The following NAV3 variants were observed in gnomAD, a reference collection of about 807,000 sequenced individuals.
NAV3 encodes neuron navigator 3, also known as pore membrane and/or filament interacting like protein 1.
Under a neutral mutation model 244.7 loss-of-function variants are expected in NAV3, and 87 were observed. The ratio of observed to expected loss-of-function variants is 0.36; its 90% CI spans 0.30 to 0.42. The LOEUF (loss-of-function observed/expected upper bound fraction) is 0.42. Ranked by LOEUF, NAV3 falls within the 20% of genes least tolerant of loss-of-function variation. The pLI is 1.00. For missense variants in NAV3, 2,663 were observed against 2,893.3 expected (o/e 0.92, Z 1.83); for synonymous variants, 1,126 against 1,042.2 (o/e 1.08, Z -1.55).
chr12:77,913,065 A>C (rs1166359716), intron 1 of NAV3, among the ~76,000 whole-genome samples: 1 of 152,034 alleles, frequency 6.6e-6, no homozygotes, highest in South Asian at 2.1e-4. Flanking sequence ...TTCCAAAGTC[A>C]ACTTGTGACA....
chr12:77,938,080 C>T (rs1420683870), intron 1 of NAV3, among the ~76,000 whole-genome samples: 7 of 152,116 alleles, frequency 4.6e-5, no homozygotes, highest in Non-Finnish European at 1.0e-4. Context: ...ATTCTCCTCA[C>T]CCTTGTGAAT....
chr12:77,912,830 T>A (rs1360764703), intron 1 of NAV3, among the ~76,000 whole-genome samples: 1 of 152,036 alleles, frequency 6.6e-6, no homozygotes, highest in African/African-American at 2.4e-5. Flanking sequence ...CAGGCTGGTC[T>A]CGAACTCCTG....
chr12:77,913,797 T>C (rs1174433137), intron 1 of NAV3, among the ~76,000 whole-genome samples: 2 of 152,146 alleles, frequency 1.3e-5, no homozygotes, highest in Non-Finnish European at 2.9e-5. Flanking sequence ...ATTCTTAGCT[T>C]GTGCTAAGCT....
rs2136567680 is a variant in NAV3 at position 78,006,724 on chromosome 12, G to A, written c.1186G>A (p.Ala396Thr). 1 of 1,614,120 alleles carries A rather than the reference G, an allele frequency of 6.2e-7. No homozygotes were observed. The highest frequency in any genetic ancestry group is 2.2e-5 in the East Asian group (1 of 44,852). The part of the protein sequence containing the change: ...EKFKLVNART[A>T]LRPPQPPSSG... ...ATTCAAGCTAGTCAATGCCCGGACTGCTTTACGCCCCCCGCAGCCTCCCAG... is the reference window on the plus strand; with the variant it reads ...ATTCAAGCTAGTCAATGCCCGGACTACTTTACGCCCCCCGCAGCCTCCCAG... Residue 396 changes from alanine (A) to threonine (T), a missense_variant, in exon 8 of 40, where the codon GCT becomes ACT. Coordinates refer to ENST00000397909, the MANE Select transcript of NAV3 (RefSeq NM_001024383.2).
chr12:77,762,719 GTT>G (rs1255540086), intron 2 of NAV3, among the ~76,000 whole-genome samples: 14 of 88,674 alleles, frequency 1.6e-4, no homozygotes, highest in Admixed American at 5.7e-4. Flanking sequence ...GGCTTCATGG[GTT>G]TTTTGTTGTT....
chr12:78,048,812 G>A (rs761035402), intron 9 of NAV3, among the ~76,000 whole-genome samples: 15 of 152,164 alleles, frequency 9.9e-5, no homozygotes, highest in Non-Finnish European at 1.2e-4. Context: ...CTGAGCCTGC[G>A]CCCACAGCCG....
Position 78,207,799 on chromosome 12 carries a change from T to A in NAV3, c.7039-2599T>A, listed in dbSNP as rs182103850. 3.3e-5 allele frequency among the ~76,000 whole-genome samples: 5 copies of A among 152,200 alleles called. No homozygotes were observed. The East Asian group carries it at 7.7e-4, about 24-fold the overall frequency. On this transcript the variant is annotated intron_variant, in intron 39 of 39. Coordinates refer to ENST00000397909, the MANE Select transcript of NAV3 (RefSeq NM_001024383.2). ...AGTTAAAACGTTATCACAGAGACAG[T>A]GGAGAACTGTCAAAGGTGTTTGAGC...
intron 2 of NAV3, among the ~76,000 whole-genome samples, chr12:77,683,102 G>A (rs1333104235): frequency 6.6e-6 from 1 of 152,054 alleles, no homozygotes; most frequent in Non-Finnish European, 1.5e-5. Context: ...CAATGTCATA[G>A]AGCTTTTCTT....
At chr12:77,993,649 G>A (rs996210213) in intron 5 of NAV3, among the ~76,000 whole-genome samples, 1 of 152,136 alleles carries the variant, frequency 6.6e-6, no homozygotes, top group Admixed American at 6.6e-5. Context: ...AACTAGCTCA[G>A]TGTAGTAAAA....
intron 3 of NAV3, among the ~76,000 whole-genome samples, chr12:77,951,457 T>C (rs1309334012): frequency 1.3e-5 from 2 of 152,156 alleles, no homozygotes; most frequent in African/African-American, 4.8e-5. Context: ...GGGAACACTT[T>C]TACACTGTTG....
chr12:77,912,042 T>C (rs1376927271), intron 1 of NAV3, among the ~76,000 whole-genome samples: 4 of 152,106 alleles, frequency 2.6e-5, no homozygotes, highest in South Asian at 2.1e-4. Flanking sequence ...ACCTACTGCA[T>C]TGAGTTTATG....
intron 2 of NAV3, among the ~76,000 whole-genome samples, chr12:77,805,567 G>A (rs1460566502): frequency 6.6e-6 from 1 of 152,160 alleles, no homozygotes; most frequent in Non-Finnish European, 1.5e-5. Context: ...GATTGGGTTT[G>A]CCAGTATTTT....
chr12:77,864,665 TC>T (rs1178036756), intron 1 of NAV3, among the ~76,000 whole-genome samples: 2 of 151,990 alleles, frequency 1.3e-5, no homozygotes, highest in Non-Finnish European at 2.9e-5. Flanking sequence ...CTATTTGAAG[TC>T]CCCTCTGTCC....
At chr12:78,040,639 G>A (rs1382721878) in intron 9 of NAV3, among the ~76,000 whole-genome samples, 2 of 152,046 alleles carry the variant, frequency 1.3e-5, no homozygotes, top group Non-Finnish European at 2.9e-5. Context: ...AAGTTTTCCT[G>A]GGGGAAGGGG....
intron 12 of NAV3, among the ~76,000 whole-genome samples, chr12:78,068,943 C>T (rs1230490900): frequency 6.6e-6 from 1 of 150,434 alleles, no homozygotes; most frequent in East Asian, 1.9e-4. Flanking sequence ...TGAAACACTT[C>T]GTTATTTTGC....
At chr12:77,867,612 G>A (rs956565192) in intron 1 of NAV3, among the ~76,000 whole-genome samples, 1 of 152,038 alleles carries the variant, frequency 6.6e-6, no homozygotes, top group African/African-American at 2.4e-5. Flanking sequence ...ACTAGAGACG[G>A]GGTTTCACTG....
At chr12:78,057,150 T>G (rs118137000) in intron 11 of NAV3, among the ~76,000 whole-genome samples, 2,239 of 152,300 alleles carry the variant, frequency 0.015, 36 homozygotes, top group Non-Finnish European at 0.025. Context: ...TTTATGAAGT[T>G]AAAAACACCC....
chr12:77,864,022 A>C (rs10859503), intron 1 of NAV3, among the ~76,000 whole-genome samples: 1 of 151,616 alleles, frequency 6.6e-6, no homozygotes, highest in Non-Finnish European at 1.5e-5. Flanking sequence ...TTTATGGCAG[A>C]GATTATAATA....
At chr12:78,050,701 T>G (rs1882615406) in intron 10 of NAV3, 63 bp from the exon 11 acceptor site, 1 of 1,503,564 alleles carries the variant, frequency 6.7e-7, no homozygotes, top group Admixed American at 2.1e-5. Flanking sequence ...TCTGTCTTCA[T>G]GCATTCTAGA....
Sources: gnomAD v4.1 joint callset for allele counts (sites outside exome capture counted in the v4.1 genomes callset) on GRCh38, gnomAD v4.1.1 for gene constraint, MANE v1.5 for transcripts, NCBI Gene and HGNC (gene_info 2026-07-23, HGNC 2026-07-21) for gene names.